The following TMEM135 variants were observed in gnomAD, a reference collection of about 807,000 sequenced individuals.
TMEM135 encodes the protein peroxisomal membrane protein 52.
Under a neutral mutation model 60.3 loss-of-function variants are expected in TMEM135, and 30 were observed. The ratio of observed to expected loss-of-function variants is 0.50; its 90% CI spans 0.37 to 0.68. TMEM135 has a LOEUF of 0.68. TMEM135 is among the 30% of genes least tolerant of loss of function. The probability of loss-of-function intolerance (pLI) is 0.00; values close to 1 mark genes in which losing one functional copy is unlikely to be tolerated. For missense variants in TMEM135, 468 were observed against 548.8 expected (o/e 0.85, Z 1.47); for synonymous variants, 190 against 186.7 (o/e 1.02, Z -0.14).
chr11:87,274,042 T>C (rs980856009), intron 6 of TMEM135, among the ~76,000 whole-genome samples: 3 of 152,152 alleles, frequency 2.0e-5, no homozygotes, highest in Non-Finnish European at 4.4e-5. Flanking sequence ...ATTTATGAAA[T>C]ATATTTTGCA....
rs199851725 is a variant in TMEM135, at chr11:87,236,692, C to G, written c.509+8C>G. 95 of 1,610,392 alleles carry G rather than the reference C, an allele frequency of 5.9e-5. No individual in the cohort carries two copies. The highest frequency in any genetic ancestry group is 2.0e-4 in the Admixed American group (12 of 59,786). The stretch of plus-strand genomic sequence containing the variant: ...GTACATGTTCTTTTTCAGGTATGTT[C>G]TGTTATACTTATTTACTTTAATACC... On this transcript the variant is annotated splice_region_variant and intron_variant, in intron 6 of 14. Coordinates refer to ENST00000305494, the MANE Select transcript of TMEM135 (RefSeq NM_022918.4).
At position 87,194,330 on chromosome 11, in the gene TMEM135, C is replaced by A. The variant is rs140171491; in HGVS notation, c.462+36924C>A. ...TGGTTGAACTTAAAAAGCACTCTTACTTATGCTAAAGTTTGCAGTATTTTA... is the reference window on the plus strand; with the variant it reads ...TGGTTGAACTTAAAAAGCACTCTTAATTATGCTAAAGTTTGCAGTATTTTA... On this transcript the variant is annotated intron_variant, in intron 5 of 14. Coordinates refer to ENST00000305494, the MANE Select transcript of TMEM135 (RefSeq NM_022918.4). Among the ~76,000 whole-genome samples, 216 of 152,284 alleles carry A rather than the reference C, an allele frequency of 1.4e-3. 2 individuals are homozygous for A. The highest frequency in any genetic ancestry group is 2.4e-3 in the Non-Finnish European group (161 of 67,998).
Position 87,324,915 on chromosome 11 carries a change from G to C in TMEM135, c.*3582G>C, listed in dbSNP as rs773943858. The C allele has an allele frequency of 1.3e-5, 6 of 453,652 alleles. No homozygotes were observed. The highest frequency in any genetic ancestry group is 2.2e-5 in the Non-Finnish European group (5 of 226,696). 28.1% of individuals were successfully genotyped at this position (453,652 alleles called of 1,614,324 possible). ...CACTCAGCTGAAAATGAGTGGCCAAGAAAAAAATACAAGAAAAGGAATAAG... is the reference window on the plus strand; with the variant it reads ...CACTCAGCTGAAAATGAGTGGCCAACAAAAAAATACAAGAAAAGGAATAAG... On this transcript the variant is annotated 3_prime_UTR_variant, in exon 15 of 15. Coordinates refer to ENST00000305494, the MANE Select transcript of TMEM135 (RefSeq NM_022918.4).
chr11:87,313,529 T>A (rs1167058616), intron 11 of TMEM135, 41 bp downstream of exon 11: 4 of 1,500,256 alleles, frequency 2.7e-6, no homozygotes, highest in African/African-American at 2.8e-5. Context: ...ATTGTATTAA[T>A]CAGTGGTAGG....
intron 4 of TMEM135, among the ~76,000 whole-genome samples, chr11:87,130,166 ATT>A (rs57192191): frequency 0.35 from 51,328 of 146,544 alleles, 9,298 homozygotes; most frequent in East Asian, 0.62. Flanking sequence ...CAGTTCCAGC[ATT>A]TTTTTTTTTT....
At chr11:87,054,433 A>G (rs1035231483) in intron 1 of TMEM135, among the ~76,000 whole-genome samples, 1 of 151,748 alleles carries the variant, frequency 6.6e-6, no homozygotes, top group Non-Finnish European at 1.5e-5. Flanking sequence ...ACTCTGTCTC[A>G]AAAAAGAAAA....
intron 5 of TMEM135, among the ~76,000 whole-genome samples, chr11:87,204,893 T>C (rs1165544717): frequency 6.6e-6 from 1 of 152,172 alleles, no homozygotes; most frequent in East Asian, 1.9e-4. Flanking sequence ...ATGACTATTC[T>C]TTTCTTTAAT....
At chr11:87,090,658 A>G (rs1201987910) in intron 3 of TMEM135, among the ~76,000 whole-genome samples, 1 of 152,138 alleles carries the variant, frequency 6.6e-6, no homozygotes, top group African/African-American at 2.4e-5. Flanking sequence ...AATGTGCTTC[A>G]TTCATTTCTC....
intron 4 of TMEM135, among the ~76,000 whole-genome samples, chr11:87,139,649 C>T (rs899231561): frequency 3.3e-5 from 5 of 152,160 alleles, no homozygotes; most frequent in African/African-American, 1.2e-4. Context: ...CTGACTGTAC[C>T]ATTTTGCCTT....
In TMEM135 at chr11:87,197,951, A is replaced by AT. The variant is rs140189480; in HGVS notation, c.463-38680dup. Among the ~76,000 whole-genome samples the AT allele has an allele frequency of 6.4e-4, 97 of 151,802 alleles. 1 individual carries two copies. The Middle Eastern group carries it at 0.021, about 32-fold the overall frequency. The stretch of plus-strand genomic sequence containing the variant: ...AGTTTTTGGATACTTTTTTATTTTT[A>AT]TTTTTTTAGGTACATAATAGTTGTA... On this transcript the variant is annotated intron_variant, in intron 5 of 14. Coordinates refer to ENST00000305494, the MANE Select transcript of TMEM135 (RefSeq NM_022918.4).
At chr11:87,216,888 C>T (rs952974740) in intron 5 of TMEM135, among the ~76,000 whole-genome samples, 11 of 151,986 alleles carry the variant, frequency 7.2e-5, no homozygotes, top group Non-Finnish European at 1.6e-4. Context: ...ATCAATTACA[C>T]AAGAAGTAAA....
intron 4 of TMEM135, among the ~76,000 whole-genome samples, chr11:87,137,905 C>T (rs1043530629): frequency 1.3e-5 from 2 of 151,960 alleles, no homozygotes; most frequent in Admixed American, 6.6e-5. Flanking sequence ...GGAAACAAAC[C>T]ATCTGCTTAT....
At position 87,323,688 on chromosome 11, in the gene TMEM135, G is replaced by A. The variant is rs544549524; in HGVS notation, c.*2355G>A. ...GGGGCAGTGGTATTATGGTCATTTC[G>A]TTGCTATTTTCTGTTTTAATAAAAT... On this transcript the variant is annotated 3_prime_UTR_variant, in exon 15 of 15. Coordinates refer to ENST00000305494, the MANE Select transcript of TMEM135 (RefSeq NM_022918.4). The A allele has an allele frequency of 2.0e-5, 9 of 452,806 alleles. No individual in the cohort carries two copies. The highest frequency in any genetic ancestry group is 1.4e-4 in the East Asian group (2 of 14,398). The allele number at this position is 452,806 out of a possible 1,614,324, so 28.0% of individuals were successfully genotyped here.
At chr11:87,174,350 T>C (rs1939316790) in intron 5 of TMEM135, among the ~76,000 whole-genome samples, 1 of 152,132 alleles carries the variant, frequency 6.6e-6, no homozygotes, top group African/African-American at 2.4e-5. Context: ...TATCCCCATA[T>C]CATGTAGGAA....
intron 4 of TMEM135, chr11:87,121,597 G>T (rs1451147654): frequency 2.7e-5 from 4 of 150,462 alleles, no homozygotes; most frequent in Non-Finnish European, 1.5e-5. Flanking sequence ...AAGTTCCACA[G>T]GAGATTAAAC....
chr11:87,266,669 A>G, intron 6 of TMEM135, among the ~76,000 whole-genome samples: 1 of 152,202 alleles, frequency 6.6e-6, no homozygotes. Context: ...TCAGACATGA[A>G]TGAACCTCCT....
chr11:87,090,738 A>G (rs1857188267), intron 3 of TMEM135, among the ~76,000 whole-genome samples: 1 of 152,132 alleles, frequency 6.6e-6, no homozygotes, highest in Non-Finnish European at 1.5e-5. Flanking sequence ...TTCTACCTGA[A>G]TTTTTATTAA....
chr11:87,082,063 A>C (rs1020226333), intron 3 of TMEM135, among the ~76,000 whole-genome samples: 1 of 152,200 alleles, frequency 6.6e-6, no homozygotes, highest in African/African-American at 2.4e-5. Context: ...TATGCATACA[A>C]TCACAATTCC....
chr11:87,141,380 A>C (rs1168532072), intron 4 of TMEM135, among the ~76,000 whole-genome samples: 1 of 152,074 alleles, frequency 6.6e-6, no homozygotes, highest in African/African-American at 2.4e-5. Flanking sequence ...TTCATTTTCT[A>C]GTTGGTTTTT....
Sources: allele counts gnomAD v4.1 joint callset (sites outside exome capture counted in the v4.1 genomes callset), GRCh38; gene constraint gnomAD v4.1.1; transcripts MANE v1.5; gene names NCBI Gene and HGNC (gene_info 2026-07-23, HGNC 2026-07-21).